UHMK1: variants seen among roughly 807,000 people sequenced by gnomAD.
The protein encoded by UHMK1 is serine/threonine-protein kinase Kist.
A neutral mutation model predicts 44.0 loss-of-function variants in UHMK1; 18 were observed. The observed-to-expected ratio is 0.41, with a 90% CI of 0.28 to 0.61. The LOEUF (loss-of-function observed/expected upper bound fraction) is 0.61. Among genes scored for constraint, UHMK1 ranks in the 20% least tolerant of loss-of-function variants. UHMK1 has a pLI of 0.31. For synonymous variants in UHMK1, 231 were observed against 198.5 expected, an observed-to-expected ratio of 1.16 and a Z score of -1.38; for missense variants, 463 against 522.5, an observed-to-expected ratio of 0.89 and a Z score of 1.11.
intron 3 of UHMK1, among the ~76,000 whole-genome samples, chr1:162,502,400 A>C (rs572990475): frequency 3.3e-5 from 5 of 152,302 alleles, no homozygotes; most frequent in African/African-American, 1.2e-4. Context: ...TATGTACCTG[A>C]TGCTTTTATG....
intron 7 of UHMK1, among the ~76,000 whole-genome samples, chr1:162,520,583 A>C (rs1393884220): frequency 1.3e-5 from 2 of 152,168 alleles, no homozygotes; most frequent in Admixed American, 1.3e-4. Flanking sequence ...GGTCATATGA[A>C]TCAAGATTTG....
chr1:162,499,557 T>A (rs1651193325), intron 1 of UHMK1, among the ~76,000 whole-genome samples: 1 of 152,208 alleles, frequency 6.6e-6, no homozygotes, highest in African/African-American at 2.4e-5. Context: ...ATATTTGGGT[T>A]TTTACTTTTA....
At chr1:162,497,673 G>A, upstream of UHMK1, 4 of 752,068 alleles carry the variant, frequency 5.3e-6, no homozygotes, top group Non-Finnish European at 7.3e-6. Context: ...GGCCTGGAAT[G>A]GTAGATACTC....
intron 4 of UHMK1, among the ~76,000 whole-genome samples, chr1:162,510,818 G>A (rs1651638967): frequency 6.6e-6 from 1 of 151,810 alleles, no homozygotes; most frequent in Admixed American, 6.6e-5. Flanking sequence ...ATTTCCTTTG[G>A]ATATATACCC....
Position 162,523,352 on chromosome 1 carries a change from G to A in UHMK1, c.*802G>A, listed in dbSNP as rs1652127997. On this transcript the variant is annotated 3_prime_UTR_variant, in exon 8 of 8. Coordinates refer to ENST00000489294, the MANE Select transcript of UHMK1 (RefSeq NM_175866.5). Reference sequence around the variant, plus strand: ...GATTTAAGATATACATTTTTTGAGAGGTAGTCTGTCTGATACAATGTAAAT... The same window carrying A: ...GATTTAAGATATACATTTTTTGAGAAGTAGTCTGTCTGATACAATGTAAAT... 6.6e-6 allele frequency: 1 copy of A among 152,498 alleles called. No individual in the cohort carries two copies. The highest frequency in any genetic ancestry group is 6.6e-5 in the Admixed American group (1 of 15,264). 9.4% of individuals were successfully genotyped at this position (152,498 alleles called of 1,614,324 possible). A position where few individuals can be genotyped will look rare whatever the true frequency, so the allele number is the denominator to read the frequency against.
In UHMK1 at chr1:162,501,057, T is replaced by C; in HGVS notation, c.706T>C (p.Phe236Leu). Residue 236 changes from phenylalanine (F) to leucine (L), a missense_variant, in exon 3 of 8, where the codon TTC becomes CTC. Physicochemically the swap from Phe to Leu is conservative, Grantham distance 22. Around this residue, in one of 3 missense-constraint regions of UHMK1, gnomAD observed 264 missense variants for 326.3 expected, o/e 0.81. Coordinates refer to ENST00000489294, the MANE Select transcript of UHMK1 (RefSeq NM_175866.5). ...CCTAGGAATCATTTTACTGGAAATGTTCTCAGGAATGAAACTGAAACATAC... is the reference window on the plus strand; with the variant it reads ...CCTAGGAATCATTTTACTGGAAATGCTCTCAGGAATGAAACTGAAACATAC... ...WSLGIILLEM[F>L]SGMKLKHTVR... The C allele has an allele frequency of 6.2e-7, 1 of 1,614,176 alleles. No homozygotes were observed. The highest frequency in any genetic ancestry group is 8.5e-7 in the Non-Finnish European group (1 of 1,180,026).
intron 4 of UHMK1, 21 bp downstream of exon 4, chr1:162,503,869 A>G: frequency 1.3e-6 from 2 of 1,596,562 alleles, no homozygotes; most frequent in Non-Finnish European, 1.7e-6. Context: ...CGTACCATAA[A>G]CTTGCTTTGC....
At chr1:162,502,162 C>G (rs4656371) in intron 3 of UHMK1, among the ~76,000 whole-genome samples, 69,269 of 151,856 alleles carry the variant, frequency 0.46, 15,828 homozygotes, top group East Asian at 0.47. Context: ...TGAAAACATA[C>G]TGTAGTTAAT....
chr1:162,504,337 A>G (rs1411147972), intron 4 of UHMK1, among the ~76,000 whole-genome samples: 1 of 152,226 alleles, frequency 6.6e-6, no homozygotes, highest in Non-Finnish European at 1.5e-5. Flanking sequence ...AAATGTGTAC[A>G]GTCGTGTCAT....
intron 3 of UHMK1, among the ~76,000 whole-genome samples, chr1:162,502,881 A>G (rs763097892): frequency 4.6e-5 from 7 of 152,246 alleles, no homozygotes; most frequent in Non-Finnish European, 8.8e-5. Flanking sequence ...TGAGGTTAAT[A>G]AAGAAATGAT....
intron 6 of UHMK1, 95 bp from the exon 7 acceptor site, chr1:162,518,006 AT>A: frequency 1.3e-6 from 1 of 763,840 alleles, no homozygotes; most frequent in East Asian, 2.6e-5. Flanking sequence ...ATTACTAGTT[AT>A]GTATTCCTGA....
intron 4 of UHMK1, among the ~76,000 whole-genome samples, chr1:162,509,593 A>G (rs1651595667): frequency 3.3e-5 from 5 of 152,136 alleles, no homozygotes; most frequent in East Asian, 3.9e-4. Flanking sequence ...ATAGATGCCA[A>G]TATAGTGCAA....
chr1:162,511,776 A>G (rs1651678034), intron 4 of UHMK1, among the ~76,000 whole-genome samples: 1 of 152,084 alleles, frequency 6.6e-6, no homozygotes, highest in African/African-American at 2.4e-5. Context: ...TAGGTCAGAG[A>G]TAAGGGTTTA....
In UHMK1 at chr1:162,499,815, G is replaced by C. The variant is rs1020253920; in HGVS notation, c.269-140G>C. 4 of 765,864 alleles carry C rather than the reference G, an allele frequency of 5.2e-6. No individual in the cohort carries two copies. In the African/African-American group the frequency reaches 7.1e-5, roughly 14 times the overall value. The allele number at this position is 765,864 out of a possible 1,614,324, so 47.4% of individuals were successfully genotyped here. ...CCAATTGCCAAAAGATCTTATTCAT[G>C]GGAAAAATAAATTACAGTGGAAGCT... On this transcript the variant is annotated intron_variant, in intron 1 of 7. Transcript: ENST00000489294.
chr1:162,497,830 C>T lies in UHMK1; in HGVS notation c.-171C>T, dbSNP rs1487915852. 2.2e-6 allele frequency: 3 copies of T among 1,345,594 alleles called. No individual in the cohort carries two copies. In the African/African-American group the frequency reaches 4.6e-5, roughly 21 times the overall value. 83.4% of individuals were successfully genotyped at this position (1,345,594 alleles called of 1,614,324 possible). Reference sequence around the variant, plus strand: ...ATTTCCGGCTTCTGGGACTCGGGTGCACCACGGCTTCCGGTGTCATGGCTG... The same window carrying T: ...ATTTCCGGCTTCTGGGACTCGGGTGTACCACGGCTTCCGGTGTCATGGCTG... On this transcript the variant is annotated 5_prime_UTR_variant, in exon 1 of 8. Coordinates refer to ENST00000489294, the MANE Select transcript of UHMK1 (RefSeq NM_175866.5).
chr1:162,527,220 G>A lies in UHMK1; in HGVS notation c.*4670G>A, dbSNP rs1652281117. On this transcript the variant is annotated 3_prime_UTR_variant, in exon 8 of 8. Transcript: ENST00000489294. The stretch of plus-strand genomic sequence containing the variant: ...TAATACTATAGGATATGTCATGTTC[G>A]TTATTGTAGCCACCTCCCTCAGATG... The A allele has an allele frequency of 1.3e-5, 2 of 152,054 alleles. No individual in the cohort carries two copies. The highest frequency in any genetic ancestry group is 4.1e-4 in the South Asian group (2 of 4,820). The allele number at this position is 152,054 out of a possible 1,614,324, so 9.4% of individuals were successfully genotyped here.
rs777359266 is a variant in UHMK1 at position 162,503,744 on chromosome 1, G to GT, written c.754-4dup. 14 of 1,612,250 alleles carry GT rather than the reference G, an allele frequency of 8.7e-6. No homozygotes were observed. In the South Asian group the frequency reaches 8.8e-5, roughly 10 times the overall value. On this transcript the variant is annotated splice_polypyrimidine_tract_variant and intron_variant, in intron 3 of 7. Transcript: ENST00000489294. ...AATAACCAAAGGAAAACTTTTCTCCGTTTTTTAAGGCAAACAGTTCTGCTA... is the reference window on the plus strand; with the variant it reads ...AATAACCAAAGGAAAACTTTTCTCCGTTTTTTTAAGGCAAACAGTTCTGCTA...
chr1:162,499,936 T>C lies in UHMK1; in HGVS notation c.269-19T>C. On this transcript the variant is annotated intron_variant, in intron 1 of 7. Transcript: ENST00000489294. ...TACTCTGAGTCTGATTTTTAAAGTA[T>C]TATAATTTCTTTTTCTAGTGACTTT... The C allele has an allele frequency of 6.2e-7, 1 of 1,611,242 alleles. No homozygotes were observed. The highest frequency in any genetic ancestry group is 8.5e-7 in the Non-Finnish European group (1 of 1,178,682).
At position 162,525,976 on chromosome 1, in the gene UHMK1, A is replaced by G. The variant is rs866812744; in HGVS notation, c.*3426A>G. On this transcript the variant is annotated 3_prime_UTR_variant, in exon 8 of 8. Transcript: ENST00000489294. ...GATTCATGTTGCTTATATTTTAACT[A>G]TTGAGCAAGTTTATTATAAGGAATG... 3.3e-5 allele frequency: 5 copies of G among 152,158 alleles called. No homozygotes were observed. Among genetic ancestry groups the G allele is most frequent in the Middle Eastern group, 3.2e-3 (1 of 316 alleles). The allele number at this position is 152,158 out of a possible 1,614,324, so 9.4% of individuals were successfully genotyped here. A position where few individuals can be genotyped will look rare whatever the true frequency, so the allele number is the denominator to read the frequency against.
Sources: allele counts gnomAD v4.1 joint callset (sites outside exome capture counted in the v4.1 genomes callset), GRCh38; gene constraint gnomAD v4.1.1; regional missense constraint gnomAD v4.1.1; transcripts MANE v1.5; gene names NCBI Gene and HGNC (gene_info 2026-07-23, HGNC 2026-07-21).